The following RPS6KA2 variants were observed in gnomAD, a reference collection of about 807,000 sequenced individuals.
RPS6KA2 encodes ribosomal protein S6 kinase A2, also known as ribosomal protein S6 kinase alpha-2.
In RPS6KA2, 42 loss-of-function variants were observed where a neutral mutation model predicts 91.8. The observed-to-expected ratio is 0.46, with a 90% CI of 0.36 to 0.59. The LOEUF is 0.59. Ranked by LOEUF, RPS6KA2 falls within the 20% of genes least tolerant of loss-of-function variation. RPS6KA2 has a pLI of 0.00. For synonymous variants in RPS6KA2, 414 were observed against 393.6 expected (o/e 1.05, Z -0.61); for missense variants, 798 against 978.5 (o/e 0.82, Z 2.46).
rs115369079 is a variant in RPS6KA2 at position 166,620,701 on chromosome 6, T to C, written c.99+6220A>G. Among the ~76,000 whole-genome samples the C allele has an allele frequency of 3.2e-3, 480 of 152,360 alleles. 1 individual carries two copies. The highest frequency in any genetic ancestry group is 0.011 in the African/African-American group (469 of 41,580). On this transcript the variant is annotated intron_variant, in intron 1 of 20. Transcript: ENST00000265678. ...GATATGGTCTCACCAAAGTCAGCTT[T>C]GTGCAACACCACGGATGCCAAGTGC... is the stretch of plus-strand genomic sequence containing the variant.
chr6:166,553,032 T>C (rs1005762849), intron 1 of RPS6KA2, among the ~76,000 whole-genome samples: 95 of 152,380 alleles, frequency 6.2e-4, no homozygotes, highest in African/African-American at 2.1e-3. Flanking sequence ...CACACACTTA[T>C]ATAATATTGC....
Position 166,603,655 on chromosome 6 carries a change from C to T in RPS6KA2, c.99+23266G>A, listed in dbSNP as rs967468844. ...GCAACACCTGTCATTGGGAGGGCAT[C>T]GTGAACATGGCTGGCACATTCCGGG... On this transcript the variant is annotated intron_variant, in intron 1 of 20. Transcript: ENST00000265678. The surrounding 1 kb of genome is among the most constrained non-coding windows in gnomAD (Gnocchi z 4.3). Among the ~76,000 whole-genome samples the T allele has an allele frequency of 4.6e-5, 7 of 152,140 alleles. No individual in the cohort carries two copies. The highest frequency in any genetic ancestry group is 4.1e-4 in the South Asian group (2 of 4,824).
chr6:166,498,753 C>G, intron 7 of RPS6KA2, 103 bp from the exon 8 acceptor site: 10 of 1,434,378 alleles, frequency 7.0e-6, no homozygotes, highest in Non-Finnish European at 9.6e-6. Context: ...TGCCCCCTCT[C>G]CAGGTGGGCG....
chr6:166,657,409 A>G (rs1462381470), intron 2 of RPS6KA2, among the ~76,000 whole-genome samples: 5 of 152,218 alleles, frequency 3.3e-5, no homozygotes, highest in Non-Finnish European at 5.9e-5. Flanking sequence ...AACGACAAAA[A>G]TGAAAGTAAA....
chr6:166,834,014 G>C (rs1052623890), intron 2 of RPS6KA2, among the ~76,000 whole-genome samples: 18 of 152,130 alleles, frequency 1.2e-4, no homozygotes, highest in Non-Finnish European at 2.2e-4. Flanking sequence ...GATTACAGAT[G>C]TGAGTCACCA....
At chr6:166,430,716 A>T in intron 15 of RPS6KA2, 105 bp from the exon 16 acceptor site, 1 of 1,216,668 alleles carries the variant, frequency 8.2e-7, no homozygotes, top group Non-Finnish European at 1.1e-6. Flanking sequence ...AGAGGCTGGG[A>T]CCACAGGGTC....
chr6:166,569,643 C>T (rs978554711), intron 1 of RPS6KA2, among the ~76,000 whole-genome samples: 3 of 152,188 alleles, frequency 2.0e-5, no homozygotes, highest in African/African-American at 4.8e-5. Context: ...GGGGCCACAT[C>T]GTAGGCTGCT....
chr6:166,716,719 C>T (rs1790025078), intron 2 of RPS6KA2, among the ~76,000 whole-genome samples: 1 of 152,152 alleles, frequency 6.6e-6, no homozygotes, highest in Admixed American at 6.5e-5. Context: ...ATATACCTCA[C>T]AACCTAAAAT....
At chr6:166,589,430 C>T (rs1453920599) in intron 1 of RPS6KA2, among the ~76,000 whole-genome samples, 1 of 152,174 alleles carries the variant, frequency 6.6e-6, no homozygotes, top group African/African-American at 2.4e-5. Flanking sequence ...GAAAAATAAC[C>T]CAGCTCAATT....
At chr6:166,851,415 C>T (rs539345840) in intron 2 of RPS6KA2, among the ~76,000 whole-genome samples, 3 of 152,182 alleles carry the variant, frequency 2.0e-5, no homozygotes, top group Non-Finnish European at 2.9e-5. Context: ...TGGCTGTGAT[C>T]GGATGAGCAC....
intron 1 of RPS6KA2, among the ~76,000 whole-genome samples, chr6:166,584,242 C>T (rs559444009): frequency 3.3e-5 from 5 of 152,234 alleles, no homozygotes; most frequent in South Asian, 2.1e-4. Flanking sequence ...AGCGCCCTTT[C>T]GTGGTGGAGC....
At chr6:166,705,544 C>T (rs1265162999) in intron 2 of RPS6KA2, among the ~76,000 whole-genome samples, 2 of 152,054 alleles carry the variant, frequency 1.3e-5, no homozygotes, top group Non-Finnish European at 2.9e-5. Context: ...GCAAAGATGC[C>T]CATTAACATC....
At position 166,679,358 on chromosome 6, in the gene RPS6KA2, G is replaced by T. The variant is rs1310084435; in HGVS notation, c.124-140574C>A. ...GGGTGCCTGTAATCACAGCTATTCA[G>T]GAGGCTGAGGCAGAAGAATCACTTG... is the stretch of plus-strand genomic sequence containing the variant. On this transcript the variant is annotated intron_variant, in intron 2 of 21. Coordinates refer to the RPS6KA2 transcript ENST00000503859. 9.2e-5 allele frequency among the ~76,000 whole-genome samples: 14 copies of T among 151,974 alleles called. No homozygotes were observed. In the East Asian group the frequency reaches 2.7e-3, roughly 29 times the overall value.
rs759984613 is a variant in RPS6KA2 at position 166,448,891 on chromosome 6, C to T, written c.1207-42G>A. 1 of 1,609,030 alleles carries T rather than the reference C, an allele frequency of 6.2e-7. No homozygotes were observed. Among genetic ancestry groups the T allele is most frequent in the East Asian group, 2.2e-5 (1 of 44,770 alleles). On this transcript the variant is annotated intron_variant, in intron 13 of 20. Transcript: ENST00000265678. The surrounding 1 kb of genome is among the most constrained non-coding windows in gnomAD (Gnocchi z 4.7). ...AGAAGAAGAGTTGTCGGAACCCTCA[C>T]ACGAGGGGACGGTGCAGCTACACGC...
At chr6:166,837,313 C>A (rs919550029) in intron 2 of RPS6KA2, among the ~76,000 whole-genome samples, 7 of 152,190 alleles carry the variant, frequency 4.6e-5, no homozygotes, top group Non-Finnish European at 1.0e-4. Flanking sequence ...TGACCCCTGG[C>A]CTCAGCAGCC....
rs1778265383 is a variant in RPS6KA2 at position 166,410,484 on chromosome 6, G to GT, written c.*2277dup. 1 of 152,530 alleles carries GT rather than the reference G, an allele frequency of 6.6e-6. No homozygotes were observed. The highest frequency in any genetic ancestry group is 2.1e-4 in the South Asian group (1 of 4,828). The allele number at this position is 152,530 out of a possible 1,614,324, so 9.4% of individuals were successfully genotyped here. On this transcript the variant is annotated 3_prime_UTR_variant, in exon 21 of 21. Transcript: ENST00000265678. Reference sequence around the variant, plus strand: ...TCTGGATATGGGAGGGAAAGTAGAGGTATTTCACAGACACTCAGCGGAGCA... The same window carrying GT: ...TCTGGATATGGGAGGGAAAGTAGAGGTTATTTCACAGACACTCAGCGGAGCA...
chr6:166,506,752 A>G (rs562463374), intron 5 of RPS6KA2, among the ~76,000 whole-genome samples: 45 of 152,190 alleles, frequency 3.0e-4, no homozygotes, highest in African/African-American at 1.0e-3. Context: ...TTTGTGCAAG[A>G]CAGCGGGGTC....
At chr6:166,659,856 G>C (rs1788111406) in intron 2 of RPS6KA2, among the ~76,000 whole-genome samples, 1 of 152,196 alleles carries the variant, frequency 6.6e-6, no homozygotes, top group African/African-American at 2.4e-5. Flanking sequence ...GGTGGTAGCT[G>C]CTCTTATCTC....
intron 11 of RPS6KA2, among the ~76,000 whole-genome samples, chr6:166,467,916 C>T (rs1048595856): frequency 5.3e-5 from 8 of 152,238 alleles, no homozygotes; most frequent in East Asian, 1.9e-4. Context: ...AATGGAGAAG[C>T]AGATCATACG....
Sources: gnomAD v4.1 joint callset for allele counts (sites outside exome capture counted in the v4.1 genomes callset) on GRCh38, gnomAD v4.1.1 for gene constraint, Gnocchi (gnomAD v3.1) non-coding constraint, MANE v1.5 for transcripts, NCBI Gene and HGNC (gene_info 2026-07-23, HGNC 2026-07-21) for gene names.